Variants in PTPRD observed in about 807,000 individuals in gnomAD.
The protein encoded by PTPRD is protein tyrosine phosphatase receptor type D, also known as receptor-type tyrosine-protein phosphatase delta.
Under a neutral mutation model 214.5 loss-of-function variants are expected in PTPRD, and 34 were observed. The observed-to-expected ratio is 0.16, with a 90% CI of 0.12 to 0.21. The LOEUF is 0.21. PTPRD is among the 10% of genes least tolerant of loss of function. The pLI is 1.00. For missense variants in PTPRD, 2,545 were observed against 2,398.7 expected (o/e 1.06, Z -1.27); for synonymous variants, 1,128 against 845.7 (o/e 1.33, Z -5.79).
At chr9:10,051,440 CA>C (rs1033194842) in intron 3 of PTPRD, among the ~76,000 whole-genome samples, 3 of 151,564 alleles carry the variant, frequency 2.0e-5, no homozygotes, top group African/African-American at 7.3e-5. Context: ...TCTTTTTTTT[CA>C]GTTTTTTTAC....
intron 11 of PTPRD, among the ~76,000 whole-genome samples, chr9:8,827,655 CT>C (rs915802373): frequency 1.3e-5 from 2 of 152,052 alleles, no homozygotes; most frequent in Non-Finnish European, 2.9e-5. Context: ...AACCAAATTC[CT>C]TTTTTTCCCC....
chr9:8,487,622 C>G (rs973494636), intron 27 of PTPRD, among the ~76,000 whole-genome samples: 2 of 151,982 alleles, frequency 1.3e-5, no homozygotes, highest in Non-Finnish European at 2.9e-5. Flanking sequence ...ACCAGCCTGA[C>G]CAACATGGAG....
chr9:8,572,206 C>G (rs980578760), intron 14 of PTPRD, among the ~76,000 whole-genome samples: 8 of 151,988 alleles, frequency 5.3e-5, no homozygotes, highest in Non-Finnish European at 1.2e-4. Flanking sequence ...GTGTGGCTCA[C>G]CCAAAAGCAT....
intron 12 of PTPRD, among the ~76,000 whole-genome samples, chr9:8,708,393 G>C (rs2098253889): frequency 6.6e-6 from 1 of 151,988 alleles, no homozygotes; most frequent in South Asian, 2.1e-4. Context: ...GAAGCTACAG[G>C]CCAGGTGCAG....
chr9:9,352,357 A>G (rs1262581246), intron 9 of PTPRD, among the ~76,000 whole-genome samples: 33 of 137,700 alleles, frequency 2.4e-4, no homozygotes, highest in African/African-American at 8.1e-4. Flanking sequence ...GTGTGTGTAT[A>G]TATGTGTGTG....
chr9:9,735,793 T>G, intron 6 of PTPRD, among the ~76,000 whole-genome samples: 1 of 152,142 alleles, frequency 6.6e-6, no homozygotes, highest in Non-Finnish European at 1.5e-5. Flanking sequence ...TGGATCTTAG[T>G]TCTATTAACG....
intron 8 of PTPRD, among the ~76,000 whole-genome samples, chr9:9,550,093 CAG>C (rs1377488659): frequency 1.3e-5 from 2 of 151,920 alleles, no homozygotes; most frequent in Non-Finnish European, 2.9e-5. Context: ...TTGAATAAAG[CAG>C]ATTACCCCCC....
chr9:10,300,734 G>A (rs1216814922), intron 3 of PTPRD, among the ~76,000 whole-genome samples: 1 of 151,982 alleles, frequency 6.6e-6, no homozygotes, highest in Non-Finnish European at 1.5e-5. Context: ...CTCTAGGCAG[G>A]GTATCTCTGA....
intron 35 of PTPRD, among the ~76,000 whole-genome samples, chr9:8,405,555 A>G (rs189606241): frequency 6.6e-6 from 1 of 152,258 alleles, no homozygotes; most frequent in East Asian, 1.9e-4. Context: ...ATAAAACTCT[A>G]GGGGACTTCA....
rs368523343 is a variant in PTPRD at position 8,788,190 on chromosome 9, G to A, written c.-103-54244C>T. On this transcript the variant is annotated intron_variant, in intron 11 of 45. Transcript: ENST00000381196. ...AACTAAATTAAGAAAGCAAAAAATG[G>A]TTATGAGTAACCATGGCCATAATGG... is the stretch of plus-strand genomic sequence containing the variant. Among the ~76,000 whole-genome samples the A allele has an allele frequency of 7.7e-4, 115 of 150,306 alleles. 1 individual carries two copies. The highest frequency in any genetic ancestry group is 2.4e-3 in the African/African-American group (100 of 40,922).
At chr9:10,313,417 C>CACACACACACACACACACACAT (rs1378031777) in intron 3 of PTPRD, among the ~76,000 whole-genome samples, 10 of 151,614 alleles carry the variant, frequency 6.6e-5, no homozygotes, top group African/African-American at 2.2e-4. Flanking sequence ...CACACACACA[C>CACACACACACACACACACACAT]AAATTTTTAA....
chr9:10,177,187 G>C (rs779738543), intron 3 of PTPRD, among the ~76,000 whole-genome samples: 18 of 151,880 alleles, frequency 1.2e-4, no homozygotes, highest in Non-Finnish European at 2.2e-4. Flanking sequence ...AGTGCTTCCT[G>C]CATTTAAACT....
intron 9 of PTPRD, among the ~76,000 whole-genome samples, chr9:9,377,583 A>T (rs1439893802): frequency 6.6e-6 from 1 of 152,194 alleles, no homozygotes. Flanking sequence ...GTTTAAGGCC[A>T]CATGGCCAGC....
intron 9 of PTPRD, among the ~76,000 whole-genome samples, chr9:9,370,741 G>A (rs915216448): frequency 1.6e-4 from 24 of 147,502 alleles, no homozygotes; most frequent in African/African-American, 3.4e-4. Flanking sequence ...TGATATTGGC[G>A]GTGGGTTTGT....
At chr9:10,095,919 C>G (rs954279716) in intron 3 of PTPRD, among the ~76,000 whole-genome samples, 1 of 151,566 alleles carries the variant, frequency 6.6e-6, no homozygotes, top group Non-Finnish European at 1.5e-5. Flanking sequence ...CAGTGGTTCT[C>G]TTGCCATTAT....
chr9:10,275,156 T>C (rs2094608178), intron 3 of PTPRD, among the ~76,000 whole-genome samples: 1 of 152,206 alleles, frequency 6.6e-6, no homozygotes, highest in Non-Finnish European at 1.5e-5. Flanking sequence ...GATTATAGAT[T>C]CCCAAATTAC....
intron 3 of PTPRD, among the ~76,000 whole-genome samples, chr9:10,287,697 G>C (rs1249272693): frequency 6.6e-6 from 1 of 152,046 alleles, no homozygotes; most frequent in East Asian, 1.9e-4. Context: ...TTCTGTTTAG[G>C]CTTCAGGTTC....
chr9:8,730,689 T>G (rs1280161534), intron 12 of PTPRD, among the ~76,000 whole-genome samples: 1 of 152,206 alleles, frequency 6.6e-6, no homozygotes, highest in Non-Finnish European at 1.5e-5. Context: ...TTATGAAAAC[T>G]CATCCAGAAG....
chr9:10,323,618 G>C (rs1359061892), intron 3 of PTPRD, among the ~76,000 whole-genome samples: 2 of 151,704 alleles, frequency 1.3e-5, no homozygotes, highest in Admixed American at 1.3e-4. Context: ...GGCATCAATG[G>C]AGAGAAAGGA....
Sources: allele counts gnomAD v4.1 joint callset (sites outside exome capture counted in the v4.1 genomes callset), GRCh38; gene constraint gnomAD v4.1.1; transcripts MANE v1.5; gene names NCBI Gene and HGNC (gene_info 2026-07-23, HGNC 2026-07-21).